The following SPECC1 variants were observed in gnomAD, a reference collection of about 807,000 sequenced individuals.
SPECC1 encodes the protein sperm antigen with calponin homology and coiled-coil domains 1, also known as cytospin-B.
Under a neutral mutation model 104.1 loss-of-function variants are expected in SPECC1, and 62 were observed. The observed-to-expected ratio is 0.60, with a 90% CI of 0.49 to 0.74. The LOEUF (loss-of-function observed/expected upper bound fraction) is 0.74. Among genes scored for constraint, SPECC1 ranks in the 30% least tolerant of loss-of-function variants. The pLI is 0.00. For synonymous variants in SPECC1, 513 were observed against 501.6 expected (o/e 1.02, Z -0.30); for missense variants, 1,306 against 1,310.5 (o/e 1.00, Z 0.05).
At chr17:20,292,955 T>C (rs898718290) in intron 12 of SPECC1, among the ~76,000 whole-genome samples, 11 of 152,152 alleles carry the variant, frequency 7.2e-5, no homozygotes, top group Non-Finnish European at 1.3e-4. Context: ...CCGGTGCTTT[T>C]GGGGGACATT....
intron 3 of SPECC1, among the ~76,000 whole-genome samples, chr17:20,150,799 G>C (rs2031935627): frequency 1.3e-5 from 2 of 151,946 alleles, no homozygotes; most frequent in African/African-American, 4.8e-5. Context: ...TATTAAGACA[G>C]ATATTTGGTA....
chr17:20,039,786 A>G (rs994855268), intron 1 of SPECC1, among the ~76,000 whole-genome samples: 1 of 152,000 alleles, frequency 6.6e-6, no homozygotes, highest in Non-Finnish European at 1.5e-5. Context: ...GGAACTCCTG[A>G]CCTCAGGTGA....
intron 14 of SPECC1, among the ~76,000 whole-genome samples, chr17:20,306,377 G>A (rs1179442775): frequency 6.6e-6 from 1 of 152,152 alleles, no homozygotes; most frequent in African/African-American, 2.4e-5. Context: ...AAAATGCTAT[G>A]TTAAAAAATA....
intron 3 of SPECC1, among the ~76,000 whole-genome samples, chr17:20,167,045 TAAAC>T (rs1391178916): frequency 1.3e-5 from 2 of 151,418 alleles, no homozygotes; most frequent in Non-Finnish European, 2.9e-5. Flanking sequence ...TGTTCTTTGT[TAAAC>T]AAATGAAGTA....
chr17:20,185,399 C>T (rs374626778), intron 3 of SPECC1, among the ~76,000 whole-genome samples: 5 of 152,176 alleles, frequency 3.3e-5, no homozygotes, highest in South Asian at 2.1e-4. Context: ...AGCCGTGAGC[C>T]GTTCTGTAAT....
chr17:20,056,221 A>G (rs1184820881), intron 1 of SPECC1: 1 of 152,222 alleles, frequency 6.6e-6, no homozygotes, highest in Admixed American at 6.5e-5. Context: ...AATATTCACC[A>G]TAATTTTAAA....
intron 1 of SPECC1, among the ~76,000 whole-genome samples, chr17:20,018,841 G>A (rs1475111738): frequency 6.6e-6 from 1 of 152,182 alleles, no homozygotes; most frequent in African/African-American, 2.4e-5. Context: ...GTCTACCAGG[G>A]AAACTCACTA....
chr17:20,180,226 A>G (rs2151222460), intron 3 of SPECC1, among the ~76,000 whole-genome samples: 1 of 152,340 alleles, frequency 6.6e-6, no homozygotes, highest in East Asian at 1.9e-4. Context: ...GAGGAAAAAG[A>G]TGAAATGAGT....
chr17:20,285,408 A>T (rs139578908), intron 12 of SPECC1, among the ~76,000 whole-genome samples: 62 of 151,710 alleles, frequency 4.1e-4, no homozygotes, highest in African/African-American at 1.4e-3. Context: ...AAAATTCTGT[A>T]TCTTACTTTT....
chr17:20,303,214 G>A (rs2041650648), intron 13 of SPECC1, among the ~76,000 whole-genome samples: 1 of 152,200 alleles, frequency 6.6e-6, no homozygotes, highest in African/African-American at 2.4e-5. Flanking sequence ...AAGGACTGAA[G>A]TAAACACAAA....
At chr17:20,248,022 C>T (rs2039489018) in intron 9 of SPECC1, among the ~76,000 whole-genome samples, 1 of 152,198 alleles carries the variant, frequency 6.6e-6, no homozygotes, top group Admixed American at 6.5e-5. Context: ...TTACCCAGGA[C>T]TGCCACTGCT....
intron 12 of SPECC1, among the ~76,000 whole-genome samples, chr17:20,277,958 A>G (rs537836980): frequency 6.6e-6 from 1 of 152,186 alleles, no homozygotes; most frequent in Non-Finnish European, 1.5e-5. Flanking sequence ...TCCCCACCCC[A>G]TCCTGGGTCA....
intron 1 of SPECC1, among the ~76,000 whole-genome samples, chr17:20,020,943 T>A (rs55693602): frequency 0.055 from 8,358 of 152,256 alleles, 300 homozygotes; most frequent in Non-Finnish European, 0.08. Flanking sequence ...AAAACTTAAC[T>A]ACTGACAGCC....
intron 3 of SPECC1, among the ~76,000 whole-genome samples, chr17:20,125,754 T>C (rs1485135429): frequency 3.9e-5 from 6 of 152,236 alleles, no homozygotes; most frequent in Admixed American, 1.3e-4. Flanking sequence ...AGCCACACTT[T>C]GTTTATCCAT....
intron 3 of SPECC1, among the ~76,000 whole-genome samples, chr17:20,146,746 A>G (rs943732568): frequency 6.6e-6 from 1 of 152,090 alleles, no homozygotes; most frequent in Non-Finnish European, 1.5e-5. Flanking sequence ...CTCTACTAAA[A>G]ATACAAAAAA....
chr17:20,061,000 A>AG (rs1258748188), intron 1 of SPECC1, among the ~76,000 whole-genome samples: 1 of 152,272 alleles, frequency 6.6e-6, no homozygotes, highest in East Asian at 1.9e-4. Context: ...AGAATGAAAC[A>AG]GGATATCAGT....
At chr17:20,039,316 G>A (rs996721385) in intron 1 of SPECC1, among the ~76,000 whole-genome samples, 1 of 152,082 alleles carries the variant, frequency 6.6e-6, no homozygotes, top group African/African-American at 2.4e-5. Flanking sequence ...TGATTTTTTT[G>A]TCTAGTTGTT....
At chr17:20,125,770 A>C (rs1213224524) in intron 3 of SPECC1, among the ~76,000 whole-genome samples, 1 of 152,196 alleles carries the variant, frequency 6.6e-6, no homozygotes, top group African/African-American at 2.4e-5. Context: ...TCCATCATAC[A>C]TGGATGGACC....
rs752687290 is a variant in SPECC1 at position 20,232,277 on chromosome 17, G to A, written c.2223G>A (p.Glu741=). The A allele has an allele frequency of 3.1e-6, 5 of 1,614,080 alleles. No individual in the cohort carries two copies. The East Asian group carries it at 8.9e-5, about 29-fold the overall frequency. Residue 741 remains glutamate, a synonymous_variant, in exon 7 of 15, where the codon GAG becomes GAA. Coordinates refer to ENST00000395527, the MANE Select transcript of SPECC1 (RefSeq NM_001243439.2). ...AVVVANDIKC[E]AQQELRTVKR... ...TGGTGGCCAATGACATCAAGTGTGA[G>A]GCCCAGCAGGAGCTGCGCACCGTGA...
Sources: allele counts gnomAD v4.1 joint callset (sites outside exome capture counted in the v4.1 genomes callset), GRCh38; gene constraint gnomAD v4.1.1; transcripts MANE v1.5; gene names NCBI Gene and HGNC (gene_info 2026-07-23, HGNC 2026-07-21).